Variants in LGI1 observed in about 807,000 individuals in gnomAD.
LGI1 encodes the protein leucine rich glioma inactivated 1, also known as leucine-rich glioma-inactivated protein 1.
LGI1 carries 11 observed loss-of-function variants against 57.7 expected under a neutral mutation model. The ratio of observed to expected loss-of-function variants is 0.19; its 90% CI spans 0.12 to 0.32. The LOEUF is 0.32. Ranked by LOEUF, LGI1 falls within the 10% of genes least tolerant of loss-of-function variation. The pLI, the probability that LGI1 is intolerant of heterozygous loss-of-function variation, is 1.00. For synonymous variants in LGI1, 222 were observed against 241.9 expected (o/e 0.92, Z 0.76); for missense variants, 422 against 661.9 (o/e 0.64, Z 3.98).
chr10:93,777,640 C>G, intron 4 of LGI1, 23 bp downstream of exon 4: 1 of 1,572,788 alleles, frequency 6.4e-7, no homozygotes, highest in South Asian at 1.1e-5. Flanking sequence ...GTTGCTATTA[C>G]TTTTTAAGCT....
intron 7 of LGI1, among the ~76,000 whole-genome samples, chr10:93,794,979 C>A (rs78791757): frequency 0.016 from 2,456 of 152,156 alleles, 59 homozygotes; most frequent in African/African-American, 0.056. Context: ...CTTTTGGAAT[C>A]CTCCTTTCTT....
chr10:93,758,223 T>C lies in LGI1; in HGVS notation c.79T>C (p.Ser27Pro), dbSNP rs775207050. The C allele has an allele frequency of 2.5e-6, 4 of 1,614,106 alleles. No homozygotes were observed. Among genetic ancestry groups the C allele is most frequent in the African/African-American group, 1.3e-5 (1 of 74,936 alleles). ...AATTGCTTATTTCCTATGTCTCTTA[T>C]CTGCGCTTTTGCTGACTGAGGGGAA... is the stretch of plus-strand genomic sequence containing the variant. ...KRIAYFLCLLSALLLTEGKKP... is the reference protein window; with the variant it reads ...KRIAYFLCLLPALLLTEGKKP... Residue 27 changes from serine (S) to proline (P), a missense_variant, in exon 1 of 8, where the codon TCT (serine) becomes CCT (proline). Around this residue, in one of 3 missense-constraint regions of LGI1, gnomAD observed 58 missense variants for 61.8 expected, o/e 0.94. Coordinates refer to ENST00000371418, the MANE Select transcript of LGI1 (RefSeq NM_005097.4). This position sits in a 1 kb window ranked among gnomAD's most constrained non-coding sequence, Gnocchi z 4.7.
intron 6 of LGI1, 57 bp from the exon 7 acceptor site, chr10:93,793,129 T>C (rs563555548): frequency 7.0e-7 from 1 of 1,427,054 alleles, no homozygotes; most frequent in African/African-American, 1.4e-5. Flanking sequence ...ATATTTAAGA[T>C]CTAGCCAAGG....
At chr10:93,788,104 A>T (rs573872994) in intron 4 of LGI1, among the ~76,000 whole-genome samples, 2 of 152,338 alleles carry the variant, frequency 1.3e-5, no homozygotes, top group Non-Finnish European at 2.9e-5. Flanking sequence ...AGGAAGGGAC[A>T]TCCACTTAGA....
intron 2 of LGI1, among the ~76,000 whole-genome samples, chr10:93,774,732 T>A (rs758755325): frequency 6.6e-6 from 1 of 152,122 alleles, no homozygotes; most frequent in Non-Finnish European, 1.5e-5. Context: ...CTGTTTTTTG[T>A]GTAGGTGGGG....
intron 2 of LGI1, chr10:93,764,750 G>GA (rs1433240345): frequency 3.3e-5 from 5 of 152,202 alleles, no homozygotes; most frequent in Non-Finnish European, 5.9e-5. Context: ...AACAATGCAT[G>GA]AAAAATGCTT....
chr10:93,781,057 A>T (rs1039946382), intron 4 of LGI1, among the ~76,000 whole-genome samples: 6 of 152,150 alleles, frequency 3.9e-5, no homozygotes, highest in Non-Finnish European at 7.4e-5. Context: ...ACATTTACAG[A>T]TAACTTAAAA....
Position 93,790,405 on chromosome 10 carries a change from G to A in LGI1, c.503+235G>A. 5.6e-6 allele frequency: 3 copies of A among 532,756 alleles called. No individual in the cohort carries two copies. The South Asian group carries it at 7.4e-5, about 13-fold the overall frequency. The allele number at this position is 532,756 out of a possible 1,614,324, so 33.0% of individuals were successfully genotyped here. A position where few individuals can be genotyped will look rare whatever the true frequency, so the allele number is the denominator to read the frequency against. ...CACCCAGGCATTCCTTTGACAAAGT[G>A]TGTGTCAATACGGCAGGGAGCGATG... is the stretch of plus-strand genomic sequence containing the variant. On this transcript the variant is annotated intron_variant, in intron 5 of 7. Coordinates refer to ENST00000371418, the MANE Select transcript of LGI1 (RefSeq NM_005097.4).
At chr10:93,760,327 G>A (rs2059609488) in intron 2 of LGI1, among the ~76,000 whole-genome samples, 1 of 152,228 alleles carries the variant, frequency 6.6e-6, no homozygotes, top group African/African-American at 2.4e-5. Context: ...CTTTCCCACA[G>A]AAAGGGGCAG....
chr10:93,773,851 C>A (rs2059765087), intron 2 of LGI1, among the ~76,000 whole-genome samples: 1 of 152,186 alleles, frequency 6.6e-6, no homozygotes, highest in East Asian at 1.9e-4. Context: ...GGAACTGGGG[C>A]AGAGGGCAAA....
intron 4 of LGI1, among the ~76,000 whole-genome samples, chr10:93,778,301 A>G (rs954094760): frequency 2.0e-5 from 3 of 151,702 alleles, no homozygotes; most frequent in African/African-American, 7.3e-5. Context: ...GACCCAAACA[A>G]TTTGTTTCTT....
chr10:93,795,415 A>C (rs1008481971), intron 7 of LGI1, among the ~76,000 whole-genome samples: 1 of 152,130 alleles, frequency 6.6e-6, no homozygotes, highest in African/African-American at 2.4e-5. Context: ...AGGGCAAAAA[A>C]AGATCTAACA....
chr10:93,775,715 T>A (rs754339886), intron 2 of LGI1, among the ~76,000 whole-genome samples: 2 of 152,220 alleles, frequency 1.3e-5, no homozygotes, highest in African/African-American at 2.4e-5. Context: ...AATATTCATT[T>A]CCCACTATGT....
chr10:93,777,977 T>C (rs2134001957), intron 4 of LGI1, among the ~76,000 whole-genome samples: 1 of 152,324 alleles, frequency 6.6e-6, no homozygotes, highest in East Asian at 1.9e-4. Context: ...CCTCACTTTA[T>C]ATACATTTAA....
At position 93,797,542 on chromosome 10, in the gene LGI1, G is replaced by A. The variant is rs1057524845; in HGVS notation, c.1413G>A (p.Met471Ile). ...GGSSFQDIQR[M>I]PSRGSMVFQP... is the part of the protein sequence containing the mutation. ...CCTCGTTCCAGGATATTCAGAGGATGCCATCGCGAGGATCCATGGTGTTCC... is the reference window on the plus strand; with the variant it reads ...CCTCGTTCCAGGATATTCAGAGGATACCATCGCGAGGATCCATGGTGTTCC... Residue 471 changes from methionine to isoleucine, a missense_variant, in exon 8 of 8, where the codon ATG becomes ATA. By Grantham distance (10) the Met-to-Ile change is conservative. Around this residue, in one of 3 missense-constraint regions of LGI1, gnomAD observed 301 missense variants for 461.7 expected, o/e 0.65. Transcript: ENST00000371418. The surrounding 1 kb of genome is among the most constrained non-coding windows in gnomAD (Gnocchi z 6.5). 6.2e-7 allele frequency: 1 copy of A among 1,614,134 alleles called. No individual in the cohort carries two copies. The highest frequency in any genetic ancestry group is 8.5e-7 in the Non-Finnish European group (1 of 1,180,004).
At chr10:93,782,283 G>T (rs180689003) in intron 4 of LGI1, among the ~76,000 whole-genome samples, 4 of 152,268 alleles carry the variant, frequency 2.6e-5, no homozygotes, top group Admixed American at 1.3e-4. Context: ...TTTGGGGCAG[G>T]CCATTTAGCT....
rs2059989157 is a variant in LGI1, at chr10:93,797,301, C to T, written c.1172C>T (p.Pro391Leu). ...GAATATCTAGAAATAGTCAGAACACCTCAGACACTCAGAACGCCTCATTTA... is the reference window on the plus strand; with the variant it reads ...GAATATCTAGAAATAGTCAGAACACTTCAGACACTCAGAACGCCTCATTTA... The part of the protein sequence containing the change: ...DVEYLEIVRT[P>L]QTLRTPHLIL... The change falls in exon 8 of 8, where the codon CCT becomes CTT. Residue 391 changes from proline to leucine, a missense_variant. By Grantham distance (98) the Pro-to-Leu change is moderately conservative (BLOSUM62 -3). Transcript: ENST00000371418. This position sits in a 1 kb window ranked among gnomAD's most constrained non-coding sequence, Gnocchi z 6.5. The T allele has an allele frequency of 1.9e-6, 3 of 1,614,148 alleles. No individual in the cohort carries two copies. The highest frequency in any genetic ancestry group is 2.2e-5 in the East Asian group (1 of 44,878).
chr10:93,789,434 G>A (rs920737897), intron 4 of LGI1: 14 of 152,760 alleles, frequency 9.2e-5, no homozygotes, highest in African/African-American at 3.4e-4. Flanking sequence ...GCAAGAGGAG[G>A]GGGCGCATTT....
At chr10:93,794,362 C>CTTTT (rs71031540) in intron 7 of LGI1, among the ~76,000 whole-genome samples, 3,281 of 101,104 alleles carry the variant, frequency 0.032, 167 homozygotes, top group Middle Eastern at 0.053. Flanking sequence ...CTGGATCTCT[C>CTTTT]TTTTTTTTTT....
Sources: gnomAD v4.1 joint callset for allele counts (sites outside exome capture counted in the v4.1 genomes callset) on GRCh38, gnomAD v4.1.1 for gene constraint, gnomAD v4.1.1 regional missense constraint, Gnocchi (gnomAD v3.1) non-coding constraint, MANE v1.5 for transcripts, NCBI Gene and HGNC (gene_info 2026-07-23, HGNC 2026-07-21) for gene names.